The following LIPI variants were observed in gnomAD, a reference collection of about 807,000 sequenced individuals.
LIPI encodes the protein lipase I.
In LIPI, 59 loss-of-function variants were observed where a neutral mutation model predicts 50.6. The observed-to-expected ratio is 1.16, with a 90% CI of 0.94 to 1.45. LIPI has a LOEUF of 1.45. LIPI is among the 40% of genes most tolerant of loss of function. LIPI has a pLI of 0.00. For missense variants in LIPI, 586 were observed against 536.3 expected (o/e 1.09, Z -0.92); for synonymous variants, 203 against 178.2 (o/e 1.14, Z -1.11).
At chr21:14,127,187 A>T (rs1380684057) in intron 9 of LIPI, among the ~76,000 whole-genome samples, 8 of 152,212 alleles carry the variant, frequency 5.3e-5, no homozygotes. Flanking sequence ...CTGCATGCAT[A>T]GTTTAATCTG....
chr21:14,161,169 A>C (rs1236394616), intron 7 of LIPI, among the ~76,000 whole-genome samples: 3 of 151,136 alleles, frequency 2.0e-5, no homozygotes, highest in Non-Finnish European at 4.4e-5. Flanking sequence ...CTTATACACT[A>C]TATTCAAGCA....
chr21:14,112,919 G>A (rs1416552276), intron 9 of LIPI, among the ~76,000 whole-genome samples: 2 of 152,162 alleles, frequency 1.3e-5, no homozygotes, highest in East Asian at 3.9e-4. Flanking sequence ...AATAACACAG[G>A]GAAAAGAATA....
At chr21:14,113,910 G>A (rs750259476) in intron 9 of LIPI, among the ~76,000 whole-genome samples, 6 of 152,154 alleles carry the variant, frequency 3.9e-5, no homozygotes, top group Non-Finnish European at 8.8e-5. Context: ...GATCTTGGCC[G>A]GGCTCAGTGG....
chr21:14,109,551 T>G lies in LIPI; in HGVS notation c.1296-471A>C, dbSNP rs1011414463. On this transcript the variant is annotated intron_variant, in intron 9 of 9. Coordinates refer to ENST00000681601, the MANE Select transcript of LIPI (RefSeq NM_001302998.2). ...AGTATTCTATATCTTGGACAGATTTTATATTTAATATTTCAAGCTTTCCAA... is the reference window on the plus strand; with the variant it reads ...AGTATTCTATATCTTGGACAGATTTGATATTTAATATTTCAAGCTTTCCAA... 4.6e-5 allele frequency among the ~76,000 whole-genome samples: 7 copies of G among 152,056 alleles called. No individual in the cohort carries two copies. The South Asian group carries it at 6.2e-4, about 13-fold the overall frequency.
chr21:14,133,360 C>T (rs1365245894), intron 9 of LIPI, among the ~76,000 whole-genome samples: 2 of 152,106 alleles, frequency 1.3e-5, no homozygotes, highest in African/African-American at 4.8e-5. Flanking sequence ...TATGACATAT[C>T]ACATAAGCAG....
intron 7 of LIPI, among the ~76,000 whole-genome samples, chr21:14,159,821 C>A (rs765925476): frequency 6.6e-6 from 1 of 151,204 alleles, no homozygotes; most frequent in Non-Finnish European, 1.5e-5. Flanking sequence ...ACAAAAGATG[C>A]GATCTCATTA....
At chr21:14,194,415 C>T (rs1162887240) in intron 1 of LIPI, among the ~76,000 whole-genome samples, 1 of 145,846 alleles carries the variant, frequency 6.9e-6, no homozygotes, top group Non-Finnish European at 1.6e-5. Flanking sequence ...TATCCATCAA[C>T]AGGTGAATGA....
At chr21:14,159,324 T>G (rs987110970) in intron 7 of LIPI, among the ~76,000 whole-genome samples, 1 of 151,516 alleles carries the variant, frequency 6.6e-6, no homozygotes, top group East Asian at 1.9e-4. Flanking sequence ...AATTTATTAC[T>G]GGAATGCAAA....
intron 1 of LIPI, among the ~76,000 whole-genome samples, chr21:14,193,833 A>G (rs376158128): frequency 2.0e-5 from 3 of 152,280 alleles, no homozygotes; most frequent in East Asian, 3.9e-4. Flanking sequence ...CATTATCAAC[A>G]AAGTAAAAAG....
intron 3 of LIPI, among the ~76,000 whole-genome samples, chr21:14,182,604 C>T (rs1432317749): frequency 6.6e-6 from 1 of 151,996 alleles, no homozygotes; most frequent in Non-Finnish European, 1.5e-5. Flanking sequence ...GAGTGAACTC[C>T]CATTCACAAT....
intron 4 of LIPI, among the ~76,000 whole-genome samples, chr21:14,171,467 A>G (rs1383370901): frequency 2.0e-5 from 3 of 151,168 alleles, no homozygotes; most frequent in Non-Finnish European, 1.5e-5. Context: ...TTCAAACTAT[A>G]CTACAAGGCT....
At chr21:14,155,391 G>A (rs892317788) in intron 7 of LIPI, among the ~76,000 whole-genome samples, 1 of 152,000 alleles carries the variant, frequency 6.6e-6, no homozygotes, top group Non-Finnish European at 1.5e-5. Context: ...GTCAGAAAGA[G>A]AAGAGAGTGT....
chr21:14,171,324 C>T (rs1256320125), intron 4 of LIPI, among the ~76,000 whole-genome samples: 1 of 144,914 alleles, frequency 6.9e-6, no homozygotes, highest in African/African-American at 2.5e-5. Context: ...CCATCCCCAT[C>T]AAGCTACCAA....
intron 9 of LIPI, among the ~76,000 whole-genome samples, chr21:14,113,169 A>C (rs2016482785): frequency 6.6e-6 from 1 of 152,266 alleles, no homozygotes; most frequent in South Asian, 2.1e-4. Context: ...ATTCAATAAG[A>C]TAAAATTCAC....
chr21:14,132,082 C>T (rs753504493), intron 9 of LIPI, among the ~76,000 whole-genome samples: 1 of 152,054 alleles, frequency 6.6e-6, no homozygotes, highest in Non-Finnish European at 1.5e-5. Flanking sequence ...CATGAAGTGA[C>T]CAAACGTATT....
intron 4 of LIPI, among the ~76,000 whole-genome samples, chr21:14,173,565 C>T (rs987327189): frequency 3.3e-5 from 5 of 152,180 alleles, no homozygotes; most frequent in African/African-American, 1.2e-4. Flanking sequence ...GATAACAATG[C>T]TTTAATCTGG....
chr21:14,147,659 G>T (rs2017953269), intron 8 of LIPI, among the ~76,000 whole-genome samples: 1 of 152,080 alleles, frequency 6.6e-6, no homozygotes, highest in Non-Finnish European at 1.5e-5. Flanking sequence ...TGTAATGAAT[G>T]GATTAAATTG....
At chr21:14,150,715 A>T (rs2018059269) in intron 8 of LIPI, among the ~76,000 whole-genome samples, 1 of 152,198 alleles carries the variant, frequency 6.6e-6, no homozygotes, top group African/African-American at 2.4e-5. Flanking sequence ...CAATTATGGA[A>T]TAATATTAGT....
intron 9 of LIPI, among the ~76,000 whole-genome samples, chr21:14,127,944 A>C (rs1371465736): frequency 6.6e-6 from 1 of 152,128 alleles, no homozygotes; most frequent in Non-Finnish European, 1.5e-5. Flanking sequence ...AGGATCCAAT[A>C]ATAAAGGACA....
Sources: allele counts gnomAD v4.1 joint callset (sites outside exome capture counted in the v4.1 genomes callset), GRCh38; gene constraint gnomAD v4.1.1; transcripts MANE v1.5; gene names NCBI Gene and HGNC (gene_info 2026-07-23, HGNC 2026-07-21).